SIPA1L1: variants seen among roughly 807,000 people sequenced by gnomAD.
SIPA1L1 encodes the protein signal induced proliferation associated 1 like 1.
A neutral mutation model predicts 162.7 loss-of-function variants in SIPA1L1; 26 were observed. The observed-to-expected ratio is 0.16, with a 90% CI of 0.12 to 0.22. SIPA1L1 has a LOEUF of 0.22. SIPA1L1 is among the 10% of genes least tolerant of loss of function. The probability of loss-of-function intolerance (pLI) is 1.00; values close to 1 mark genes in which losing one functional copy is unlikely to be tolerated. For missense variants in SIPA1L1, 1,874 were observed against 2,241.0 expected (o/e 0.84, Z 3.31); for synonymous variants, 829 against 837.4 (o/e 0.99, Z 0.17).
At chr14:71,599,396 C>T (rs932818345) in intron 5 of SIPA1L1, among the ~76,000 whole-genome samples, 7 of 151,614 alleles carry the variant, frequency 4.6e-5, no homozygotes. Flanking sequence ...AAGTGATCCA[C>T]CCGCCTCGGC....
intron 4 of SIPA1L1, among the ~76,000 whole-genome samples, chr14:71,542,963 C>T (rs771178251): frequency 3.7e-4 from 56 of 152,114 alleles, no homozygotes; most frequent in Middle Eastern, 3.4e-3. Context: ...CTGTAGCTAA[C>T]GTCTTTGTTC....
At position 71,339,031 on chromosome 14, in the gene SIPA1L1, T is replaced by C. The variant is rs547321300; in HGVS notation, c.-465+17850T>C. On this transcript the variant is annotated intron_variant, in intron 2 of 23. Transcript: ENST00000381232. ...CTGGGATTACAGGTGTGAGCCACTG[T>C]GCATGGCCAGATTACCAGATATTTA... Among the ~76,000 whole-genome samples, 3 of 152,266 alleles carry C rather than the reference T, an allele frequency of 2.0e-5. No homozygotes were observed. In the South Asian group the frequency reaches 6.2e-4, roughly 32 times the overall value.
chr14:71,467,746 T>C (rs1329976326), intron 2 of SIPA1L1, among the ~76,000 whole-genome samples: 1 of 151,500 alleles, frequency 6.6e-6, no homozygotes, highest in Admixed American at 6.6e-5. Flanking sequence ...CTGGGCATGG[T>C]GGCTTATGCC....
intron 16 of SIPA1L1, among the ~76,000 whole-genome samples, chr14:71,708,295 G>A (rs2082623589): frequency 6.7e-6 from 1 of 150,090 alleles, no homozygotes; most frequent in South Asian, 2.1e-4. Context: ...TTTCTATATG[G>A]TAAGGATCCA....
chr14:71,726,889 T>A (rs2150269003), intron 19 of SIPA1L1, among the ~76,000 whole-genome samples: 1 of 152,282 alleles, frequency 6.6e-6, no homozygotes, highest in South Asian at 2.1e-4. Context: ...TCCAGGCCAC[T>A]CCTGGCTCAA....
rs968483796 is a variant in SIPA1L1, at chr14:71,399,555, C to A, written c.-465+78374C>A. 2.0e-5 allele frequency among the ~76,000 whole-genome samples: 3 copies of A among 152,142 alleles called. No homozygotes were observed. In the South Asian group the frequency reaches 6.2e-4, roughly 32 times the overall value. On this transcript the variant is annotated intron_variant, in intron 2 of 23. Coordinates refer to ENST00000381232, the MANE Select transcript of SIPA1L1 (RefSeq NM_001386936.1). ...GAGTAGCTTGGACCACAGGTGCACA[C>A]CACCATACCTGGCTAGGTTTTAGAA...
intron 2 of SIPA1L1, among the ~76,000 whole-genome samples, chr14:71,401,305 C>T (rs1310440246): frequency 6.6e-6 from 1 of 151,976 alleles, no homozygotes; most frequent in Non-Finnish European, 1.5e-5. Context: ...TAGTACTTTT[C>T]CTTGAACATT....
chr14:71,492,725 A>G (rs140314837), intron 2 of SIPA1L1, among the ~76,000 whole-genome samples: 48 of 152,074 alleles, frequency 3.2e-4, no homozygotes, highest in African/African-American at 1.1e-3. Flanking sequence ...CCCAGGCTCA[A>G]GCGATCCATC....
At chr14:71,549,896 G>T (rs7152674) in intron 4 of SIPA1L1, among the ~76,000 whole-genome samples, 124,805 of 152,116 alleles carry the variant, frequency 0.82, 51,604 homozygotes, top group East Asian at 0.94. Flanking sequence ...TACTGCTTGG[G>T]ATTAGGAAAA....
rs1009924721 is a variant in SIPA1L1 at position 71,320,519 on chromosome 14, A to AGTCCCCGGCTGGAGG, written c.-525+25_-525+39dup. The AGTCCCCGGCTGGAGG allele has an allele frequency of 2.0e-5, 3 of 152,426 alleles. No homozygotes were observed. The highest frequency in any genetic ancestry group is 2.1e-4 in the South Asian group (1 of 4,840). 9.4% of individuals were successfully genotyped at this position (152,426 alleles called of 1,614,324 possible). ...TGAGCGAAAAGTCAGTGCAGCGCCG[A>AGTCCCCGGCTGGAGG]GTCCCCGGCTGGAGGGTCCCCGGGG... On this transcript the variant is annotated intron_variant, in intron 1 of 23. Coordinates refer to ENST00000381232, the MANE Select transcript of SIPA1L1 (RefSeq NM_001386936.1).
intron 2 of SIPA1L1, among the ~76,000 whole-genome samples, chr14:71,476,883 G>A (rs118168925): frequency 0.014 from 2,113 of 151,816 alleles, 35 homozygotes; most frequent in Non-Finnish European, 0.023. Context: ...GGTTTTCACC[G>A]TGTTAGCCAG....
chr14:71,386,483 C>A (rs568599788), intron 2 of SIPA1L1, among the ~76,000 whole-genome samples: 1 of 152,292 alleles, frequency 6.6e-6, no homozygotes, highest in South Asian at 2.1e-4. Context: ...CACCCAGGAA[C>A]AATACTTTGC....
intron 2 of SIPA1L1, among the ~76,000 whole-genome samples, chr14:71,479,980 C>A (rs2048213790): frequency 6.6e-6 from 1 of 152,148 alleles, no homozygotes; most frequent in Admixed American, 6.5e-5. Flanking sequence ...CTCAAGCGAT[C>A]CTCCAGCCTC....
At chr14:71,616,111 G>A (rs1172010535) in intron 5 of SIPA1L1, among the ~76,000 whole-genome samples, 1 of 152,194 alleles carries the variant, frequency 6.6e-6, no homozygotes, top group Non-Finnish European at 1.5e-5. Flanking sequence ...TTGAAGTTCT[G>A]AAAGCAGGTG....
intron 7 of SIPA1L1, among the ~76,000 whole-genome samples, chr14:71,630,471 G>A (rs1030892283): frequency 6.6e-6 from 1 of 152,212 alleles, no homozygotes; most frequent in African/African-American, 2.4e-5. Context: ...AGAGAACACA[G>A]CAAGACTAAG....
intron 2 of SIPA1L1, among the ~76,000 whole-genome samples, chr14:71,324,431 A>G (rs561476773): frequency 1.3e-5 from 2 of 152,274 alleles, no homozygotes; most frequent in African/African-American, 4.8e-5. Context: ...TTAAAATTTT[A>G]CTACTTTCTC....
chr14:71,416,892 T>C (rs935058133), intron 2 of SIPA1L1, among the ~76,000 whole-genome samples: 7 of 152,170 alleles, frequency 4.6e-5, no homozygotes, highest in Non-Finnish European at 5.9e-5. Flanking sequence ...TTTTTTCTTT[T>C]CCTTTAAACA....
intron 2 of SIPA1L1, among the ~76,000 whole-genome samples, chr14:71,430,811 T>C (rs2043932480): frequency 6.6e-6 from 1 of 152,186 alleles, no homozygotes; most frequent in South Asian, 2.1e-4. Context: ...ACCTGTCAAG[T>C]CACCTTGCCC....
At chr14:71,360,964 G>A (rs905767422) in intron 2 of SIPA1L1, among the ~76,000 whole-genome samples, 16 of 152,046 alleles carry the variant, frequency 1.1e-4, no homozygotes, top group African/African-American at 3.6e-4. Context: ...TAGATGTACT[G>A]GTTTTGGCAG....
Sources: allele counts gnomAD v4.1 joint callset (sites outside exome capture counted in the v4.1 genomes callset), GRCh38; gene constraint gnomAD v4.1.1; transcripts MANE v1.5; gene names NCBI Gene and HGNC (gene_info 2026-07-23, HGNC 2026-07-21).